The following TMOD2 variants were observed in gnomAD, a reference collection of about 807,000 sequenced individuals.
The protein encoded by TMOD2 is tropomodulin-2.
In TMOD2, 22 loss-of-function variants were observed where a neutral mutation model predicts 39.9. That is an observed-to-expected ratio of 0.55 (90% CI 0.39 to 0.79). TMOD2 has a LOEUF of 0.79. Ranked by LOEUF, TMOD2 falls within the 30% of genes least tolerant of loss-of-function variation. The probability of loss-of-function intolerance (pLI) is 0.00; values close to 1 mark genes in which losing one functional copy is unlikely to be tolerated. For synonymous variants in TMOD2, 123 were observed against 146.1 expected (o/e 0.84, Z 1.14); for missense variants, 386 against 413.3 (o/e 0.93, Z 0.57).
intron 8 of TMOD2, among the ~76,000 whole-genome samples, chr15:51,799,737 G>A (rs1429132423): frequency 1.3e-5 from 2 of 152,152 alleles, no homozygotes; most frequent in Non-Finnish European, 2.9e-5. Flanking sequence ...GGGGGAGTAA[G>A]GAAACAAGCC....
chr15:51,790,199 AAACT>A (rs770785117), intron 7 of TMOD2, among the ~76,000 whole-genome samples: 10 of 152,230 alleles, frequency 6.6e-5, no homozygotes, highest in Non-Finnish European at 1.5e-4. Flanking sequence ...ACAGAAATAC[AAACT>A]ATCATCAGAG....
chr15:51,763,069 G>A (rs866354107), intron 1 of TMOD2, among the ~76,000 whole-genome samples: 1 of 151,654 alleles, frequency 6.6e-6, no homozygotes, highest in Non-Finnish European at 1.5e-5. Flanking sequence ...CGAATAACTG[G>A]GACTACAGGC....
Position 51,759,017 on chromosome 15 carries a change from T to C in TMOD2, c.-70+7305T>C, listed in dbSNP as rs546294620. Among the ~76,000 whole-genome samples, 4 of 152,320 alleles carry C rather than the reference T, an allele frequency of 2.6e-5. No individual in the cohort carries two copies. The East Asian group carries it at 7.7e-4, about 29-fold the overall frequency. On this transcript the variant is annotated intron_variant, in intron 1 of 9. Coordinates refer to ENST00000249700, the MANE Select transcript of TMOD2 (RefSeq NM_014548.4). ...GCAGAAGCCACTGGAGGATTTTAAG[T>C]AACTAGAGAAGAGTTGTTTAACTCT...
intron 3 of TMOD2, among the ~76,000 whole-genome samples, chr15:51,773,118 C>G (rs921954009): frequency 6.6e-6 from 1 of 152,142 alleles, no homozygotes; most frequent in South Asian, 2.1e-4. Flanking sequence ...CCAGGCTCCC[C>G]CACAAATAGC....
Position 51,812,198 on chromosome 15 carries a change from C to T in TMOD2, c.*3744C>T, listed in dbSNP as rs1008274559. The T allele has an allele frequency of 1.3e-5, 2 of 152,252 alleles. No individual in the cohort carries two copies. The highest frequency in any genetic ancestry group is 4.8e-5 in the African/African-American group (2 of 41,544). The allele number at this position is 152,252 out of a possible 1,614,324, so 9.4% of individuals were successfully genotyped here. On this transcript the variant is annotated 3_prime_UTR_variant, in exon 10 of 10. Transcript: ENST00000249700. Reference sequence around the variant, plus strand: ...CATGCAGTTCATCTTACAATAAAAGCCCATTCATTTAAAAACTCAGAAATC... The same window carrying T: ...CATGCAGTTCATCTTACAATAAAAGTCCATTCATTTAAAAACTCAGAAATC...
At position 51,768,245 on chromosome 15, in the gene TMOD2, C is replaced by T. The variant is rs1452061889; in HGVS notation, c.127-17C>T. The T allele has an allele frequency of 4.3e-6, 7 of 1,613,864 alleles. No individual in the cohort carries two copies. Among genetic ancestry groups the T allele is most frequent in the Admixed American group, 1.7e-5 (1 of 59,992 alleles). ...CGGCAGACATCTTCCTTCCTGCTCACACCTCTTTCTTGTCAGAGTGCCATG... is the reference window on the plus strand; with the variant it reads ...CGGCAGACATCTTCCTTCCTGCTCATACCTCTTTCTTGTCAGAGTGCCATG... On this transcript the variant is annotated splice_polypyrimidine_tract_variant and intron_variant, in intron 2 of 9. Transcript: ENST00000249700.
At chr15:51,808,379 T>G (rs754692450) in intron 9 of TMOD2, 41 bp from the exon 10 acceptor site, 1 of 1,544,978 alleles carries the variant, frequency 6.5e-7, no homozygotes, top group African/African-American at 1.4e-5. Flanking sequence ...TTAAGGAATA[T>G]CCCTTCAATT....
At chr15:51,760,211 C>G (rs983330461) in intron 1 of TMOD2, among the ~76,000 whole-genome samples, 8 of 152,192 alleles carry the variant, frequency 5.3e-5, no homozygotes, top group Admixed American at 3.3e-4. Flanking sequence ...TGGCTTAAAA[C>G]AATACAAACT....
chr15:51,768,460 C>CTCTT (rs2055831775), intron 3 of TMOD2, 42 bp downstream of exon 3: 1 of 1,208,054 alleles, frequency 8.3e-7, no homozygotes, highest in East Asian at 3.0e-5. Context: ...GAGGTTCTCT[C>CTCTT]TTTTTTTTTT....
chr15:51,752,401 G>A (rs1481842100), intron 1 of TMOD2: 1 of 152,240 alleles, frequency 6.6e-6, no homozygotes, highest in Non-Finnish European at 1.5e-5. Flanking sequence ...AATTTTTAGA[G>A]TATTCAGAGG....
intron 2 of TMOD2, among the ~76,000 whole-genome samples, chr15:51,768,023 G>A (rs1261822558): frequency 1.3e-5 from 2 of 152,166 alleles, no homozygotes; most frequent in Non-Finnish European, 1.5e-5. Context: ...GAAACTCAGA[G>A]GCTGCTCTAG....
chr15:51,807,546 A>G (rs1417346916), intron 9 of TMOD2, among the ~76,000 whole-genome samples: 1 of 152,152 alleles, frequency 6.6e-6, no homozygotes, highest in African/African-American at 2.4e-5. Flanking sequence ...GAGTGGAAGC[A>G]GCAATCAGAA....
chr15:51,792,903 A>T (rs1255671727), intron 7 of TMOD2, among the ~76,000 whole-genome samples: 1 of 152,120 alleles, frequency 6.6e-6, no homozygotes, highest in African/African-American at 2.4e-5. Context: ...TAGGAGAAAT[A>T]CCTAATGTAG....
rs774320183 is a variant in TMOD2 at position 51,782,826 on chromosome 15, A to G, written c.730A>G (p.Ile244Val). 19 of 1,612,362 alleles carry G rather than the reference A, an allele frequency of 1.2e-5. No individual in the cohort carries two copies. In the Admixed American group the frequency reaches 1.7e-4, roughly 14 times the overall value. ...AACTCGCAGCAATGACCCTGTGGCC[A>G]TTGTGAGTAAAATTCTTAGAAATAT... ...AATRSNDPVA[I>V]AFADMLKVNK... The change falls in exon 7 of 10, where the codon ATT becomes GTT. Residue 244 changes from isoleucine (I) to valine (V), a missense_variant and splice_region_variant. Ile to Val is a conservative substitution (Grantham distance 29). Coordinates refer to ENST00000249700, the MANE Select transcript of TMOD2 (RefSeq NM_014548.4).
At chr15:51,770,134 C>T (rs2055843361) in intron 3 of TMOD2, among the ~76,000 whole-genome samples, 1 of 152,208 alleles carries the variant, frequency 6.6e-6, no homozygotes, top group South Asian at 2.1e-4. Context: ...CAGCTCTCTA[C>T]CTGCATCTGG....
chr15:51,753,803 G>T (rs997073859), intron 1 of TMOD2, among the ~76,000 whole-genome samples: 1 of 151,876 alleles, frequency 6.6e-6, no homozygotes, highest in East Asian at 1.9e-4. Context: ...GTTCAGGAAC[G>T]TAGCAAATGT....
chr15:51,781,714 G>T (rs2055931258), intron 6 of TMOD2, among the ~76,000 whole-genome samples: 1 of 152,092 alleles, frequency 6.6e-6, no homozygotes, highest in South Asian at 2.1e-4. Flanking sequence ...CACAATACCT[G>T]TTATGACCTG....
At chr15:51,801,267 A>T (rs1281253505) in intron 8 of TMOD2, among the ~76,000 whole-genome samples, 1 of 140,488 alleles carries the variant, frequency 7.1e-6, no homozygotes, top group Admixed American at 7.5e-5. Context: ...ACACACACAC[A>T]CACACACACA....
chr15:51,801,288 GTCTC>G (rs72529496), intron 8 of TMOD2, among the ~76,000 whole-genome samples: 3,804 of 111,594 alleles, frequency 0.034, 64 homozygotes, highest in African/African-American at 0.066. Context: ...CACACACCCT[GTCTC>G]TCTCTCTCTC....
Sources: gnomAD v4.1 joint callset for allele counts (sites outside exome capture counted in the v4.1 genomes callset) on GRCh38, gnomAD v4.1.1 for gene constraint, MANE v1.5 for transcripts, NCBI Gene and HGNC (gene_info 2026-07-23, HGNC 2026-07-21) for gene names.